The following SHTN1 variants were observed in gnomAD, a reference collection of about 807,000 sequenced individuals.
SHTN1 encodes shootin 1, also known as shootin-1.
In SHTN1, 42 loss-of-function variants were observed where a neutral mutation model predicts 83.1. That is an observed-to-expected ratio of 0.51 (90% CI 0.39 to 0.65). The LOEUF is 0.65. Ranked by LOEUF, SHTN1 falls within the 30% of genes least tolerant of loss-of-function variation. The pLI, the probability that SHTN1 is intolerant of heterozygous loss-of-function variation, is 0.00. For missense variants in SHTN1, 622 were observed against 737.8 expected, an observed-to-expected ratio of 0.84 and a Z score of 1.82; for synonymous variants, 224 against 247.7, an observed-to-expected ratio of 0.90 and a Z score of 0.90.
intron 2 of SHTN1, among the ~76,000 whole-genome samples, chr10:117,038,069 C>T (rs190229842): frequency 6.2e-5 from 9 of 146,276 alleles, no homozygotes; most frequent in South Asian, 2.2e-4. Flanking sequence ...AAATGTAAAA[C>T]GTAAAACCAT....
intron 13 of SHTN1, 39 bp from the exon 14 acceptor site, chr10:116,911,882 CAGTTT>C: frequency 2.7e-6 from 4 of 1,469,764 alleles, no homozygotes; most frequent in Non-Finnish European, 3.8e-6. Flanking sequence ...CTGAGTAATT[CAGTTT>C]AAAAATACTA....
intron 12 of SHTN1, among the ~76,000 whole-genome samples, chr10:116,918,024 T>C (rs1487841311): frequency 1.3e-5 from 2 of 152,166 alleles, no homozygotes; most frequent in Non-Finnish European, 2.9e-5. Context: ...TTCTAATAAA[T>C]CTGCAAGAAT....
intron 1 of SHTN1, among the ~76,000 whole-genome samples, chr10:117,062,923 C>T (rs557820510): frequency 6.6e-6 from 1 of 152,206 alleles, no homozygotes; most frequent in East Asian, 1.9e-4. Flanking sequence ...TAGGTAATTA[C>T]ATGTAACTAA....
At chr10:116,909,308 T>C (rs1227524197) in intron 14 of SHTN1, among the ~76,000 whole-genome samples, 6 of 152,158 alleles carry the variant, frequency 3.9e-5, no homozygotes, top group Admixed American at 3.9e-4. Context: ...ACTAATCTAA[T>C]TGTCAGGCAA....
At chr10:116,947,945 C>CA (rs906194436) in intron 7 of SHTN1, among the ~76,000 whole-genome samples, 13 of 151,842 alleles carry the variant, frequency 8.6e-5, no homozygotes, top group Non-Finnish European at 1.3e-4. Flanking sequence ...CCTTTATTTA[C>CA]AAAAAAAATT....
At chr10:117,077,555 G>A (rs531604490) in intron 1 of SHTN1, among the ~76,000 whole-genome samples, 1 of 151,992 alleles carries the variant, frequency 6.6e-6, no homozygotes, top group African/African-American at 2.4e-5. Context: ...GTATACATGT[G>A]CCATGTTGCT....
chr10:116,917,542 A>C (rs964471775), intron 12 of SHTN1, among the ~76,000 whole-genome samples: 2 of 152,210 alleles, frequency 1.3e-5, no homozygotes, highest in Admixed American at 6.5e-5. Flanking sequence ...TTTTTCAAAA[A>C]GTCTGCCATT....
At chr10:117,028,973 C>CA (rs1852368089) in intron 2 of SHTN1, among the ~76,000 whole-genome samples, 1 of 152,148 alleles carries the variant, frequency 6.6e-6, no homozygotes, top group African/African-American at 2.4e-5. Context: ...GCAGACCCAC[C>CA]AGCAGCTTGC....
intron 2 of SHTN1, among the ~76,000 whole-genome samples, chr10:117,031,401 A>G (rs1424999772): frequency 1.3e-5 from 2 of 152,224 alleles, no homozygotes; most frequent in African/African-American, 4.8e-5. Flanking sequence ...GCAATAAGAA[A>G]TCCTCTGAAG....
intron 16 of SHTN1, chr10:116,901,268 A>T: frequency 1.0e-6 from 1 of 985,352 alleles, no homozygotes; most frequent in Non-Finnish European, 1.2e-6. Flanking sequence ...CTCTGAAGCA[A>T]GTCTATACAG....
intron 2 of SHTN1, among the ~76,000 whole-genome samples, chr10:117,026,682 A>G (rs972426852): frequency 6.6e-6 from 1 of 152,222 alleles, no homozygotes; most frequent in Non-Finnish European, 1.5e-5. Flanking sequence ...TAAGCCTCCC[A>G]AAGTGCTGGG....
At chr10:116,951,872 T>C in intron 6 of SHTN1, 37 bp downstream of exon 6, 2 of 1,215,312 alleles carry the variant, frequency 1.6e-6, no homozygotes, top group Non-Finnish European at 2.4e-6. Flanking sequence ...ACCTTGAAAA[T>C]GCTAAAGCCC....
rs1847116129 is a variant in SHTN1 at position 116,884,846 on chromosome 10, A to C, written c.*1498T>G. On this transcript the variant is annotated 3_prime_UTR_variant, in exon 17 of 17. Transcript: ENST00000355371. ...TAATAAGTTGTGGTGAGGAGAGTTC[A>C]AATTACAGCATAACAGAATTCGTTT... 6.5e-6 allele frequency: 1 copy of C among 154,522 alleles called. No individual in the cohort carries two copies. The highest frequency in any genetic ancestry group is 2.4e-5 in the African/African-American group (1 of 41,466). 9.6% of individuals were successfully genotyped at this position (154,522 alleles called of 1,614,324 possible).
chr10:117,048,469 CA>C (rs1450592876), exon 2 of SHTN1: 3 of 985,332 alleles, frequency 3.0e-6, no homozygotes, highest in South Asian at 4.7e-5. Context: ...CAGACTTCAT[CA>C]ATCTGGAAAA....
chr10:116,972,604 C>T (rs1850656502), intron 2 of SHTN1, among the ~76,000 whole-genome samples: 1 of 152,198 alleles, frequency 6.6e-6, no homozygotes, highest in South Asian at 2.1e-4. Flanking sequence ...ACAGAAGCCC[C>T]TCACCCATCC....
chr10:116,955,532 T>C (rs1315169107), intron 4 of SHTN1, among the ~76,000 whole-genome samples: 1 of 152,196 alleles, frequency 6.6e-6, no homozygotes, highest in Non-Finnish European at 1.5e-5. Context: ...TTCCTCACTG[T>C]AAACCTGACA....
At chr10:116,959,224 G>A (rs1454306672) in intron 4 of SHTN1, among the ~76,000 whole-genome samples, 1 of 152,174 alleles carries the variant, frequency 6.6e-6, no homozygotes. Context: ...TTCTTCAGAT[G>A]AATAACAGGA....
intron 1 of SHTN1, among the ~76,000 whole-genome samples, chr10:117,112,182 T>A (rs911738459): frequency 6.6e-6 from 1 of 152,080 alleles, no homozygotes; most frequent in African/African-American, 2.4e-5. Flanking sequence ...CTCAGGCTGG[T>A]GTCGAATTCC....
At chr10:116,920,783 A>G (rs1213697092) in intron 12 of SHTN1, among the ~76,000 whole-genome samples, 1 of 151,972 alleles carries the variant, frequency 6.6e-6, no homozygotes, top group African/African-American at 2.4e-5. Context: ...TCAGTTTCCT[A>G]ATATGCCAAG....
Sources: gnomAD v4.1 joint callset for allele counts (sites outside exome capture counted in the v4.1 genomes callset) on GRCh38, gnomAD v4.1.1 for gene constraint, MANE v1.5 for transcripts, NCBI Gene and HGNC (gene_info 2026-07-23, HGNC 2026-07-21) for gene names.